Variants in ZNF716 observed in about 807,000 individuals in gnomAD.
ZNF716 encodes the protein zinc finger protein 716.
A neutral mutation model predicts 13.4 loss-of-function variants in ZNF716; 9 were observed. The ratio of observed to expected loss-of-function variants is 0.67; its 90% CI spans 0.41 to 1.18. The LOEUF is 1.18. Among genes scored for constraint, ZNF716 ranks in the 50% most tolerant of loss-of-function variants. The pLI, the probability that ZNF716 is intolerant of heterozygous loss-of-function variation, is 0.01. For missense variants in ZNF716, 581 were observed against 576.6 expected (o/e 1.01, Z -0.08); for synonymous variants, 186 against 195.2 (o/e 0.95, Z 0.39).
chr7:57,454,597 G>C (rs1789554452), intron 1 of ZNF716, among the ~76,000 whole-genome samples: 1 of 152,210 alleles, frequency 6.6e-6, no homozygotes, highest in African/African-American at 2.4e-5. Flanking sequence ...GGAAACCTGG[G>C]GACCCACAGG....
intron 1 of ZNF716, among the ~76,000 whole-genome samples, chr7:57,454,340 A>C (rs1789548995): frequency 6.6e-6 from 1 of 152,222 alleles, no homozygotes; most frequent in African/African-American, 2.4e-5. Context: ...TCCCTTGTAT[A>C]AACACTGCAT....
intron 3 of ZNF716, among the ~76,000 whole-genome samples, chr7:57,468,088 C>T (rs142247277): frequency 9.3e-4 from 141 of 152,138 alleles, no homozygotes; most frequent in African/African-American, 3.0e-3. Flanking sequence ...TAGAGATTCT[C>T]GGAGTCTTTC....
chr7:57,462,375 A>T (rs1554323249), intron 1 of ZNF716, 85 bp from the exon 2 acceptor site: 1 of 1,487,850 alleles, frequency 6.7e-7, no homozygotes, highest in Non-Finnish European at 9.2e-7. Flanking sequence ...AACATGAGTC[A>T]AATAAAAATC....
intron 3 of ZNF716, among the ~76,000 whole-genome samples, chr7:57,464,854 A>C (rs1554323817): frequency 6.6e-6 from 1 of 152,136 alleles, no homozygotes; most frequent in African/African-American, 2.4e-5. Flanking sequence ...TTGTCTGCTC[A>C]TGGCAACCCT....
In ZNF716 at chr7:57,470,044, A is replaced by T; in HGVS notation, c.*95A>T. ...TGTGGAGAATGTGGCCAATTCTTTA[A>T]CCAGTTCCAAACCACTGCTGTCCAT... is the stretch of plus-strand genomic sequence containing the variant. On this transcript the variant is annotated 3_prime_UTR_variant, in exon 4 of 4. Coordinates refer to ENST00000420713, the MANE Select transcript of ZNF716 (RefSeq NM_001159279.1). The T allele has an allele frequency of 8.2e-7, 1 of 1,222,896 alleles. No homozygotes were observed. The highest frequency in any genetic ancestry group is 1.1e-6 in the Non-Finnish European group (1 of 894,528). 75.8% of individuals were successfully genotyped at this position (1,222,896 alleles called of 1,614,324 possible). A position where few individuals can be genotyped will look rare whatever the true frequency, so the allele number is the denominator to read the frequency against.
At chr7:57,466,041 G>C (rs1371714996) in intron 3 of ZNF716, among the ~76,000 whole-genome samples, 1 of 151,826 alleles carries the variant, frequency 6.6e-6, no homozygotes, top group African/African-American at 2.4e-5. Flanking sequence ...GTTGTGGGGT[G>C]GGGGGAGTGG....
Position 57,468,843 on chromosome 7 carries a change from T to C in ZNF716, c.382T>C (p.Cys128Arg). Reference protein sequence around the residue: ...CGQEDLQVKKCCKSVGECEVH... With the variant: ...CGQEDLQVKKRCKSVGECEVH... ...ACAGGAGGATTTACAAGTAAAAAAA[T>C]GCTGTAAAAGTGTAGGTGAGTGTGA... is the stretch of plus-strand genomic sequence containing the variant. Residue 128 changes from cysteine to arginine, a missense_variant, in exon 4 of 4, where the codon TGC (cysteine) becomes CGC (arginine). Coordinates refer to ENST00000420713, the MANE Select transcript of ZNF716 (RefSeq NM_001159279.1). The C allele has an allele frequency of 1.9e-6, 3 of 1,613,532 alleles. No individual in the cohort carries two copies. The highest frequency in any genetic ancestry group is 2.5e-6 in the Non-Finnish European group (3 of 1,179,802).
chr7:57,469,853 C>T lies in ZNF716; in HGVS notation c.1392C>T (p.Tyr464=), dbSNP rs1554324969. Residue 464 remains tyrosine, a synonymous_variant, in exon 4 of 4, where the codon TAC becomes TAT. Coordinates refer to ENST00000420713, the MANE Select transcript of ZNF716 (RefSeq NM_001159279.1). ...GGATTCATACTGGAGAGAAACCCTA[C>T]AAATGTGAAGAATGTGACCAAACTT... ...HKRIHTGEKP[Y]KCEECDQTFK... 1 of 1,603,208 alleles carries T rather than the reference C, an allele frequency of 6.2e-7. No individual in the cohort carries two copies. Among genetic ancestry groups the T allele is most frequent in the Non-Finnish European group, 8.5e-7 (1 of 1,174,280 alleles).
At chr7:57,465,966 G>A (rs1162244745) in intron 3 of ZNF716, among the ~76,000 whole-genome samples, 6 of 151,384 alleles carry the variant, frequency 4.0e-5, no homozygotes, top group South Asian at 2.1e-4. Context: ...ATTCTCACTT[G>A]TAGGTGGGAA....
intron 3 of ZNF716, among the ~76,000 whole-genome samples, chr7:57,468,364 G>C (rs2116424561): frequency 6.6e-6 from 1 of 152,226 alleles, no homozygotes; most frequent in African/African-American, 2.4e-5. Flanking sequence ...AAAGATATAG[G>C]TGCCAATATT....
chr7:57,462,918 T>G (rs2116416637), intron 2 of ZNF716, among the ~76,000 whole-genome samples, 155 bp from the exon 3 acceptor site: 1 of 152,306 alleles, frequency 6.6e-6, no homozygotes, highest in South Asian at 2.1e-4. Flanking sequence ...ACCTACAAAT[T>G]TAAAGTATTT....
At chr7:57,454,437 G>A (rs1315402528) in intron 1 of ZNF716, among the ~76,000 whole-genome samples, 1 of 152,132 alleles carries the variant, frequency 6.6e-6, no homozygotes, top group Non-Finnish European at 1.5e-5. Context: ...TGAGCCCTGT[G>A]ACTCCAAGCT....
intron 1 of ZNF716, among the ~76,000 whole-genome samples, chr7:57,455,944 TTTTGTTTG>T (rs532404010): frequency 2.0e-5 from 3 of 151,526 alleles, no homozygotes; most frequent in South Asian, 2.1e-4. Flanking sequence ...TTTTTTGTTT[TTTTGTTTG>T]TTTGTTTGTT....
rs782229657 is a variant in ZNF716, at chr7:57,462,517, C to T, written c.97C>T (p.Leu33=). Residue 33 remains leucine, a synonymous_variant, in exon 2 of 4, where the codon CTG becomes TTG. Coordinates refer to ENST00000420713, the MANE Select transcript of ZNF716 (RefSeq NM_001159279.1). ...IEFSLAEWQC[L]DHAQQNLYRD... ...ATTTTCTCTGGCGGAATGGCAATGC[C>T]TGGATCATGCTCAGCAGAATTTATA... 1.2e-6 allele frequency: 2 copies of T among 1,613,740 alleles called. No homozygotes were observed. Among genetic ancestry groups the T allele is most frequent in the African/African-American group, 2.7e-5 (2 of 74,886 alleles).
intron 1 of ZNF716, among the ~76,000 whole-genome samples, chr7:57,459,128 C>T (rs1554322591): frequency 6.6e-6 from 1 of 152,036 alleles, no homozygotes; most frequent in Non-Finnish European, 1.5e-5. Flanking sequence ...TATACATTTT[C>T]TTTTTAAAAT....
intron 1 of ZNF716, among the ~76,000 whole-genome samples, chr7:57,453,755 G>A (rs1443131235): frequency 2.0e-5 from 3 of 152,158 alleles, no homozygotes; most frequent in African/African-American, 7.2e-5. Flanking sequence ...GATAACTGGG[G>A]AATTACATAG....
intron 1 of ZNF716, among the ~76,000 whole-genome samples, chr7:57,454,527 C>T (rs1199748471): frequency 6.6e-6 from 1 of 152,138 alleles, no homozygotes; most frequent in East Asian, 1.9e-4. Flanking sequence ...TGCAGATGTC[C>T]CAGCCTGCTC....
rs1402693004 is a variant in ZNF716 at position 57,470,051 on chromosome 7, C to T, written c.*102C>T. 3.6e-6 allele frequency: 4 copies of T among 1,104,076 alleles called. No individual in the cohort carries two copies. The highest frequency in any genetic ancestry group is 5.2e-5 in the East Asian group (2 of 38,686). The allele number at this position is 1,104,076 out of a possible 1,614,324, so 68.4% of individuals were successfully genotyped here. On this transcript the variant is annotated 3_prime_UTR_variant, in exon 4 of 4. Coordinates refer to ENST00000420713, the MANE Select transcript of ZNF716 (RefSeq NM_001159279.1). ...AATGTGGCCAATTCTTTAACCAGTT[C>T]CAAACCACTGCTGTCCATAAGATAA...
intron 1 of ZNF716, among the ~76,000 whole-genome samples, chr7:57,456,217 G>A (rs1289287286): frequency 6.6e-5 from 10 of 151,836 alleles, no homozygotes; most frequent in East Asian, 1.9e-4. Context: ...GCTTCCCAAC[G>A]TGCTGGGATT....
Sources: allele counts gnomAD v4.1 joint callset (sites outside exome capture counted in the v4.1 genomes callset), GRCh38; gene constraint gnomAD v4.1.1; transcripts MANE v1.5; gene names NCBI Gene and HGNC (gene_info 2026-07-23, HGNC 2026-07-21).